The following PCDHGB2 variants were observed in gnomAD, a reference collection of about 807,000 sequenced individuals.
The protein encoded by PCDHGB2 is protocadherin gamma-B2.
A neutral mutation model predicts 59.3 loss-of-function variants in PCDHGB2; 55 were observed. The observed-to-expected ratio is 0.93, with a 90% confidence interval of 0.75 to 1.16. PCDHGB2 has a LOEUF of 1.16. PCDHGB2 is among the 50% of genes most tolerant of loss of function. The pLI is 0.00. For synonymous variants in PCDHGB2, 516 were observed against 512.0 expected (o/e 1.01, Z -0.11); for missense variants, 1,228 against 1,198.5 (o/e 1.02, Z -0.36).
At position 141,491,794 on chromosome 5, in the gene PCDHGB2, TC is replaced by T; in HGVS notation, c.2422-3011del. On this transcript the variant is annotated intron_variant, in intron 1 of 3. Transcript: ENST00000522605. This position sits in a 1 kb window ranked among gnomAD's most constrained non-coding sequence, Gnocchi z 6.9. ...GGGATTGAACTTGCATCCACTCCTC[TC>T]CGGCCGGCTTGGTCGCTGGCTGCGC... is the stretch of plus-strand genomic sequence containing the variant. The T allele has an allele frequency of 6.6e-7, 1 of 1,511,056 alleles. No individual in the cohort carries two copies. The highest frequency in any genetic ancestry group is 8.8e-7 in the Non-Finnish European group (1 of 1,130,146). The allele number at this position is 1,511,056 out of a possible 1,614,324, so 93.6% of individuals were successfully genotyped here.
intron 1 of PCDHGB2, chr5:141,398,701 C>G (rs757215015): frequency 6.2e-7 from 1 of 1,613,658 alleles, no homozygotes; most frequent in African/African-American, 1.3e-5. Flanking sequence ...TAGTAAATAC[C>G]CGGAACTGGC....
At chr5:141,508,927 A>C (rs1562237319) in intron 3 of PCDHGB2, among the ~76,000 whole-genome samples, 1 of 151,542 alleles carries the variant, frequency 6.6e-6, no homozygotes. Context: ...TTCCTTTTGG[A>C]GTTAATTAGG....
chr5:141,476,587 G>A lies in PCDHGB2; in HGVS notation c.2422-18220G>A. ...CTCCGGGGACGCGCTTTCCGCTCGA[G>A]AGCGCGCACGATCCCGATGTGGGAA... On this transcript the variant is annotated intron_variant, in intron 1 of 3. Coordinates refer to ENST00000522605, the MANE Select transcript of PCDHGB2 (RefSeq NM_018923.3). The surrounding 1 kb of genome is among the most constrained non-coding windows in gnomAD (Gnocchi z 7.6). 6.2e-7 allele frequency: 1 copy of A among 1,614,234 alleles called. No homozygotes were observed. The highest frequency in any genetic ancestry group is 1.1e-5 in the South Asian group (1 of 91,086).
intron 1 of PCDHGB2, chr5:141,375,068 G>A: frequency 6.2e-7 from 1 of 1,614,016 alleles, no homozygotes; most frequent in Non-Finnish European, 8.5e-7. Flanking sequence ...AGGTCTTCGA[G>A]ACAGAGCGAA....
chr5:141,392,360 CAATCTGATCATTCTGATCT>C (rs1372415416), intron 1 of PCDHGB2: 2 of 152,712 alleles, frequency 1.3e-5, no homozygotes, highest in Non-Finnish European at 2.9e-5. Context: ...TCCGATGCTA[CAATCTGATCATTCTGATCT>C]AATCTGATCA....
At chr5:141,405,022 C>T in intron 1 of PCDHGB2, 6 of 1,613,976 alleles carry the variant, frequency 3.7e-6, no homozygotes, top group Non-Finnish European at 5.1e-6. Context: ...CAGACCTTAC[C>T]CTCTACCTCG....
At chr5:141,500,438 T>C (rs977844035) in intron 2 of PCDHGB2, among the ~76,000 whole-genome samples, 2 of 151,816 alleles carry the variant, frequency 1.3e-5, no homozygotes, top group African/African-American at 4.8e-5. Flanking sequence ...CTCGATCTCC[T>C]GACCTCGTGA....
intron 1 of PCDHGB2, chr5:141,427,176 G>A (rs777424789): frequency 2.2e-6 from 1 of 456,742 alleles, no homozygotes; most frequent in Non-Finnish European, 4.4e-6. Context: ...TCAAAATGGG[G>A]AAATTAAATC....
rs776330769 is a variant in PCDHGB2 at position 141,413,206 on chromosome 5, T to G, written c.2421+50650T>G. The stretch of plus-strand genomic sequence containing the variant: ...CGCTCAAAGGAATCGCTCAAAGGAA[T>G]CAAAGGATTGCAGCGGGCTGGTCCT... On this transcript the variant is annotated intron_variant, in intron 1 of 3. Transcript: ENST00000522605. 4.3e-6 allele frequency: 7 copies of G among 1,612,936 alleles called. 1 individual carries two copies. In the South Asian group the frequency reaches 7.7e-5, roughly 18 times the overall value.
In PCDHGB2 at chr5:141,432,357, T is replaced by C. The variant is rs778669079; in HGVS notation, c.2422-62450T>C. 6.2e-7 allele frequency: 1 copy of C among 1,614,244 alleles called. No homozygotes were observed. Among genetic ancestry groups the C allele is most frequent in the African/African-American group, 1.3e-5 (1 of 75,072 alleles). The stretch of plus-strand genomic sequence containing the variant: ...TTCCGAGACTTGCAAGTGAAAGTGA[T>C]GGCGCGGGACAACGGGCACCCGCCC... On this transcript the variant is annotated intron_variant, in intron 1 of 3. Coordinates refer to ENST00000522605, the MANE Select transcript of PCDHGB2 (RefSeq NM_018923.3). This position sits in a 1 kb window ranked among gnomAD's most constrained non-coding sequence, Gnocchi z 6.0.
In PCDHGB2 at chr5:141,498,877, G is replaced by A. The variant is rs886444261; in HGVS notation, c.2480+4012G>A. ...GAACCCAGGAGGCGGAGGTTGCAGTGAGCTGAGATCACACCACTGCACTCC... is the reference window on the plus strand; with the variant it reads ...GAACCCAGGAGGCGGAGGTTGCAGTAAGCTGAGATCACACCACTGCACTCC... On this transcript the variant is annotated intron_variant, in intron 2 of 3. Coordinates refer to ENST00000522605, the MANE Select transcript of PCDHGB2 (RefSeq NM_018923.3). Among the ~76,000 whole-genome samples, 8 of 149,816 alleles carry A rather than the reference G, an allele frequency of 5.3e-5. No individual in the cohort carries two copies. In the East Asian group the frequency reaches 1.4e-3, roughly 26 times the overall value.
chr5:141,417,721 C>A, intron 1 of PCDHGB2: 2 of 1,330,572 alleles, frequency 1.5e-6, no homozygotes, highest in Non-Finnish European at 2.0e-6. Context: ...CCCGGCTGCG[C>A]AGACCTTGCC....
intron 1 of PCDHGB2, chr5:141,416,320 A>G (rs1482631457): frequency 1.3e-5 from 2 of 152,208 alleles, no homozygotes; most frequent in East Asian, 1.9e-4. Flanking sequence ...TAGCATTTTA[A>G]TTTAACTTTC....
intron 1 of PCDHGB2, among the ~76,000 whole-genome samples, chr5:141,447,135 G>GT (rs905717632): frequency 9.9e-5 from 15 of 151,698 alleles, no homozygotes; most frequent in African/African-American, 3.4e-4. Flanking sequence ...TTGTTTGTTT[G>GT]TTTTTTGTTT....
At chr5:141,501,570 G>C (rs1251110101) in intron 2 of PCDHGB2, among the ~76,000 whole-genome samples, 1 of 151,996 alleles carries the variant, frequency 6.6e-6, no homozygotes, top group African/African-American at 2.4e-5. Flanking sequence ...ATCATATTAG[G>C]CTGGCTTTCA....
At chr5:141,383,889 G>T in intron 1 of PCDHGB2, 1 of 1,613,938 alleles carries the variant, frequency 6.2e-7, no homozygotes, top group South Asian at 1.1e-5. Context: ...GTCTGACAAA[G>T]GCAAAAGTAC....
intron 1 of PCDHGB2, chr5:141,478,523 G>A: frequency 1.2e-6 from 2 of 1,609,908 alleles, no homozygotes; most frequent in Non-Finnish European, 1.7e-6. Flanking sequence ...GGTGTTGGGT[G>A]CAGAGAGCGC....
At position 141,432,032 on chromosome 5, in the gene PCDHGB2, A is replaced by G; in HGVS notation, c.2422-62775A>G. On this transcript the variant is annotated intron_variant, in intron 1 of 3. Coordinates refer to ENST00000522605, the MANE Select transcript of PCDHGB2 (RefSeq NM_018923.3). The surrounding 1 kb of genome is among the most constrained non-coding windows in gnomAD (Gnocchi z 6.0). ...TAGCTACAACATCACAGTGACCGCC[A>G]CTGACCGGGGAACCCCGCCCCTATC... 2 of 1,614,242 alleles carry G rather than the reference A, an allele frequency of 1.2e-6. No homozygotes were observed. Among genetic ancestry groups the G allele is most frequent in the South Asian group, 1.1e-5 (1 of 91,086 alleles).
chr5:141,365,760 A>G, intron 1 of PCDHGB2: 1 of 1,613,756 alleles, frequency 6.2e-7, no homozygotes, highest in Non-Finnish European at 8.5e-7. Context: ...GTGACAGCCC[A>G]TGACCCCGAC....
Sources: allele counts gnomAD v4.1 joint callset (sites outside exome capture counted in the v4.1 genomes callset), GRCh38; gene constraint gnomAD v4.1.1; non-coding constraint Gnocchi (gnomAD v3.1); transcripts MANE v1.5; gene names NCBI Gene and HGNC (gene_info 2026-07-23, HGNC 2026-07-21).